The following JPH2 variants were observed in gnomAD, a reference collection of about 807,000 sequenced individuals.
The protein encoded by JPH2 is junctophilin-2.
Under a neutral mutation model 55.9 loss-of-function variants are expected in JPH2, and 38 were observed. The ratio of observed to expected loss-of-function variants is 0.68; its 90% CI spans 0.52 to 0.89. The LOEUF (loss-of-function observed/expected upper bound fraction) is 0.89. Ranked by LOEUF, JPH2 falls within the 40% of genes least tolerant of loss-of-function variation. The probability of loss-of-function intolerance (pLI) is 0.00; values close to 1 mark genes in which losing one functional copy is unlikely to be tolerated. For synonymous variants in JPH2, 480 were observed against 472.4 expected (o/e 1.02, Z -0.21); for missense variants, 964 against 1,037.6 (o/e 0.93, Z 0.97).
chr20:44,128,438 A>T (rs2145848284), intron 2 of JPH2, among the ~76,000 whole-genome samples: 1 of 152,314 alleles, frequency 6.6e-6, no homozygotes, highest in African/African-American at 2.4e-5. Flanking sequence ...TGAAGGTTGT[A>T]GAGTCTGCTA....
At chr20:44,149,188 G>T (rs1281846620) in intron 2 of JPH2, among the ~76,000 whole-genome samples, 1 of 151,106 alleles carries the variant, frequency 6.6e-6, no homozygotes, top group Non-Finnish European at 1.5e-5. Flanking sequence ...GTGCCACCAG[G>T]CCCTCCCTTC....
Position 44,109,419 on chromosome 20 carries a change from G to A in JPH2, c.*4099C>T, listed in dbSNP as rs961914543. Among the ~76,000 whole-genome samples, 1 of 152,200 alleles carries A rather than the reference G, an allele frequency of 6.6e-6. No individual in the cohort carries two copies. Among genetic ancestry groups the A allele is most frequent in the Non-Finnish European group, 1.5e-5 (1 of 68,042 alleles). On this transcript the variant is annotated 3_prime_UTR_variant, in exon 6 of 6. Transcript: ENST00000372980. ...TCATCACCCCCAGAAAAGTAAGAAA[G>A]TTCTAGATGTTAAGGGACAGAGCCA...
chr20:44,140,897 C>T (rs2072451881), intron 2 of JPH2, among the ~76,000 whole-genome samples: 1 of 152,198 alleles, frequency 6.6e-6, no homozygotes, highest in South Asian at 2.1e-4. Context: ...CACCTCCCAC[C>T]GTTGGAGAAA....
intron 2 of JPH2, among the ~76,000 whole-genome samples, chr20:44,148,023 G>C (rs907206727): frequency 6.6e-6 from 1 of 152,066 alleles, no homozygotes; most frequent in Non-Finnish European, 1.5e-5. Flanking sequence ...ATTAGCCAGC[G>C]GTAGTGGCAC....
chr20:44,160,448 G>A lies in JPH2; in HGVS notation c.380-41C>T. On this transcript the variant is annotated intron_variant, in intron 1 of 5. Transcript: ENST00000372980. This position sits in a 1 kb window ranked among gnomAD's most constrained non-coding sequence, Gnocchi z 4.9. ...GGGCGCGTCAGTAGGCGGCACGACG[G>A]GTCCCCGCGTGTGCACGGTGGCCTG... The A allele has an allele frequency of 1.3e-6, 2 of 1,593,398 alleles. No homozygotes were observed. The highest frequency in any genetic ancestry group is 1.1e-5 in the South Asian group (1 of 88,216).
In JPH2 at chr20:44,106,975, GGTTGGACTTTGTCAGGCCTGCATCAA is replaced by G. The variant is rs1470230112; in HGVS notation, c.*6517_*6542del. ...AATCCTTGCTCTGGAGCTCCCACTG[GGTTGGACTTTGTCAGGCCTGCATCAA>G]GTTAGACTTCTTCCTCTGCCCTGTT... On this transcript the variant is annotated 3_prime_UTR_variant, in exon 6 of 6. Coordinates refer to ENST00000372980, the MANE Select transcript of JPH2 (RefSeq NM_020433.5). 1.3e-5 allele frequency among the ~76,000 whole-genome samples: 2 copies of G among 152,234 alleles called. No homozygotes were observed. The highest frequency in any genetic ancestry group is 3.9e-4 in the East Asian group (2 of 5,178).
At chr20:44,181,989 A>G (rs2072787820) in intron 1 of JPH2, among the ~76,000 whole-genome samples, 1 of 152,246 alleles carries the variant, frequency 6.6e-6, no homozygotes, top group Non-Finnish European at 1.5e-5. Context: ...TATTTACTGG[A>G]TGAATTAATA....
intron 2 of JPH2, among the ~76,000 whole-genome samples, chr20:44,158,004 G>C (rs1371698345): frequency 6.6e-6 from 1 of 152,204 alleles, no homozygotes; most frequent in Non-Finnish European, 1.5e-5. Context: ...TTTGCAAAAT[G>C]AGAATAAGAA....
intron 2 of JPH2, among the ~76,000 whole-genome samples, chr20:44,137,179 C>T (rs1046618613): frequency 3.3e-5 from 5 of 152,196 alleles, no homozygotes; most frequent in African/African-American, 1.2e-4. Flanking sequence ...GGGTTGGGCT[C>T]CCACCCTGGG....
intron 5 of JPH2, among the ~76,000 whole-genome samples, chr20:44,114,382 T>G (rs961064895): frequency 6.6e-6 from 1 of 152,166 alleles, no homozygotes. Context: ...TTTTCTGTAA[T>G]GAGCTCTAAG....
At chr20:44,140,304 G>C (rs1447856490) in intron 2 of JPH2, among the ~76,000 whole-genome samples, 2 of 152,146 alleles carry the variant, frequency 1.3e-5, no homozygotes, top group Admixed American at 1.3e-4. Flanking sequence ...CTGAGCCCAG[G>C]GGGCACCCCA....
intron 1 of JPH2, among the ~76,000 whole-genome samples, chr20:44,184,272 G>C (rs190143753): frequency 1.3e-4 from 19 of 151,860 alleles, no homozygotes; most frequent in East Asian, 5.8e-4. Flanking sequence ...GTCAAAAAGT[G>C]TTCTTCTTCT....
chr20:44,108,508 C>A lies in JPH2; in HGVS notation c.*5010G>T, dbSNP rs2072121548. On this transcript the variant is annotated 3_prime_UTR_variant, in exon 6 of 6. Transcript: ENST00000372980. Reference sequence around the variant, plus strand: ...GGGGAGATTGTTCCCTCAGACTTTGCTGACTTTACAGCCTCAAGATTGCTG... The same window carrying A: ...GGGGAGATTGTTCCCTCAGACTTTGATGACTTTACAGCCTCAAGATTGCTG... Among the ~76,000 whole-genome samples the A allele has an allele frequency of 6.6e-6, 1 of 151,824 alleles. No homozygotes were observed. The highest frequency in any genetic ancestry group is 2.4e-5 in the African/African-American group (1 of 41,256).
intron 2 of JPH2, among the ~76,000 whole-genome samples, chr20:44,124,233 C>T (rs1284188603): frequency 6.6e-6 from 1 of 152,042 alleles, no homozygotes; most frequent in Non-Finnish European, 1.5e-5. Context: ...CCTCCCAGGC[C>T]CATAACTGCT....
intron 2 of JPH2, among the ~76,000 whole-genome samples, chr20:44,157,436 A>G (rs2092461): frequency 0.99 from 151,029 of 152,304 alleles, 74,883 homozygotes; most frequent in Middle Eastern, 1. Flanking sequence ...TTGCAACCCA[A>G]TGTCTCCCAC....
At chr20:44,124,832 G>C (rs914267257) in intron 2 of JPH2, among the ~76,000 whole-genome samples, 7 of 151,864 alleles carry the variant, frequency 4.6e-5, no homozygotes, top group Admixed American at 3.3e-4. Context: ...GTAAGGCCAG[G>C]CATGGTGGCT....
rs2145834120 is a variant in JPH2, at chr20:44,110,872, A to C, written c.*2646T>G. On this transcript the variant is annotated 3_prime_UTR_variant, in exon 6 of 6. Coordinates refer to ENST00000372980, the MANE Select transcript of JPH2 (RefSeq NM_020433.5). ...ACAGAAAGAGGGAGTGAGGGAGCAC[A>C]TGGCCCATCAGTGATAGGGCTGGGT... Among the ~76,000 whole-genome samples the C allele has an allele frequency of 6.6e-6, 1 of 152,266 alleles. No homozygotes were observed. Among genetic ancestry groups the C allele is most frequent in the African/African-American group, 2.4e-5 (1 of 41,582 alleles).
intron 3 of JPH2, among the ~76,000 whole-genome samples, chr20:44,117,648 G>C (rs2072203441): frequency 6.6e-6 from 1 of 152,210 alleles, no homozygotes; most frequent in Non-Finnish European, 1.5e-5. Context: ...CCAGCAATCT[G>C]TGTCAAATTT....
chr20:44,137,769 C>T (rs976713772), intron 2 of JPH2, among the ~76,000 whole-genome samples: 1 of 152,134 alleles, frequency 6.6e-6, no homozygotes, highest in Non-Finnish European at 1.5e-5. Context: ...CACAACTGGG[C>T]TAAGTCTTTG....
Sources: allele counts gnomAD v4.1 joint callset (sites outside exome capture counted in the v4.1 genomes callset), GRCh38; gene constraint gnomAD v4.1.1; non-coding constraint Gnocchi (gnomAD v3.1); transcripts MANE v1.5; gene names NCBI Gene and HGNC (gene_info 2026-07-23, HGNC 2026-07-21).